COL23A1: variants seen among roughly 807,000 people sequenced by gnomAD.
The protein encoded by COL23A1 is collagen type XXIII alpha 1 chain, also known as collagen alpha-1(XXIII) chain.
A neutral mutation model predicts 99.3 loss-of-function variants in COL23A1; 97 were observed. The ratio of observed to expected loss-of-function variants is 0.98; its 90% CI spans 0.83 to 1.16. COL23A1 has a LOEUF of 1.16. Ranked by LOEUF, COL23A1 falls within the 50% of genes most tolerant of loss-of-function variation. The probability of loss-of-function intolerance (pLI) is 0.00; values close to 1 mark genes in which losing one functional copy is unlikely to be tolerated. For missense variants in COL23A1, 762 were observed against 757.4 expected (o/e 1.01, Z -0.07); for synonymous variants, 320 against 308.2 (o/e 1.04, Z -0.40).
At chr5:178,515,666 G>A (rs892687933) in intron 2 of COL23A1, among the ~76,000 whole-genome samples, 3 of 152,040 alleles carry the variant, frequency 2.0e-5, no homozygotes, top group African/African-American at 4.8e-5. Context: ...CCCGCTCCCC[G>A]CCTCTGCTGG....
chr5:178,534,445 G>T (rs1418195375), intron 2 of COL23A1, among the ~76,000 whole-genome samples: 1 of 152,144 alleles, frequency 6.6e-6, no homozygotes, highest in Non-Finnish European at 1.5e-5. Context: ...GTAAGGGAGG[G>T]GGCACTGGGC....
rs529095666 is a variant in COL23A1 at position 178,439,692 on chromosome 5, C to T, written c.361+120990G>A. 59 of 152,350 alleles carry T rather than the reference C, an allele frequency of 3.9e-4. No individual in the cohort carries two copies. The highest frequency in any genetic ancestry group is 1.3e-3 in the African/African-American group (52 of 41,576). The allele number at this position is 152,350 out of a possible 1,614,324, so 9.4% of individuals were successfully genotyped here. ...CGTTCACCATGCAGTGCAGCAACTCCGCTCCTAGGATCTCCCCGGGAGAAA... is the reference window on the plus strand; with the variant it reads ...CGTTCACCATGCAGTGCAGCAACTCTGCTCCTAGGATCTCCCCGGGAGAAA... On this transcript the variant is annotated intron_variant, in intron 2 of 28. Transcript: ENST00000390654. This position sits in a 1 kb window ranked among gnomAD's most constrained non-coding sequence, Gnocchi z 4.2.
At position 178,377,735 on chromosome 5, in the gene COL23A1, C is replaced by T. The variant is rs111906235; in HGVS notation, c.362-70816G>A. On this transcript the variant is annotated intron_variant, in intron 2 of 28. Coordinates refer to ENST00000390654, the MANE Select transcript of COL23A1 (RefSeq NM_173465.4). Reference sequence around the variant, plus strand: ...CGGTCACAGTCTGTCACCGGGAGGCCGAGAGAGCAGGTGCAGGGCAGGCCG... The same window carrying T: ...CGGTCACAGTCTGTCACCGGGAGGCTGAGAGAGCAGGTGCAGGGCAGGCCG... Among the ~76,000 whole-genome samples, 840 of 152,214 alleles carry T rather than the reference C, an allele frequency of 5.5e-3. 9 individuals carry two copies. The highest frequency in any genetic ancestry group is 0.01 in the Middle Eastern group (3 of 294).
chr5:178,388,017 C>A (rs1763765809), intron 2 of COL23A1, among the ~76,000 whole-genome samples: 1 of 152,188 alleles, frequency 6.6e-6, no homozygotes, highest in Admixed American at 6.5e-5. Context: ...ACCGACACTG[C>A]TCCTCAGGGC....
chr5:178,522,766 G>A (rs1760020765), intron 2 of COL23A1, among the ~76,000 whole-genome samples: 1 of 152,138 alleles, frequency 6.6e-6, no homozygotes, highest in Admixed American at 6.6e-5. Flanking sequence ...CCATACAAGA[G>A]CACTGCCCAG....
At chr5:178,494,237 G>C (rs543399213) in intron 2 of COL23A1, among the ~76,000 whole-genome samples, 65 of 152,282 alleles carry the variant, frequency 4.3e-4, no homozygotes, top group African/African-American at 1.4e-3. Flanking sequence ...CTCCGACAAG[G>C]ACATGTGAGA....
At position 178,414,538 on chromosome 5, in the gene COL23A1, G is replaced by A. The variant is rs146138604; in HGVS notation, c.362-107619C>T. ...TGTGATCCCAGCACTGTGGGAGGCC[G>A]AGGTGGGCAGATCAACTGAGGTCAG... On this transcript the variant is annotated intron_variant, in intron 2 of 28. Coordinates refer to ENST00000390654, the MANE Select transcript of COL23A1 (RefSeq NM_173465.4). Among the ~76,000 whole-genome samples, 579 of 152,258 alleles carry A rather than the reference G, an allele frequency of 3.8e-3. 5 individuals carry two copies. The highest frequency in any genetic ancestry group is 0.013 in the African/African-American group (556 of 41,554).
intron 2 of COL23A1, among the ~76,000 whole-genome samples, chr5:178,451,724 G>T (rs1240788665): frequency 4.0e-5 from 6 of 150,424 alleles, no homozygotes; most frequent in Middle Eastern, 3.4e-3. Flanking sequence ...AACAGCCAGT[G>T]ATTAGATCTA....
chr5:178,325,116 G>A (rs1334429742), intron 2 of COL23A1, among the ~76,000 whole-genome samples: 1 of 152,166 alleles, frequency 6.6e-6, no homozygotes, highest in South Asian at 2.1e-4. Flanking sequence ...AGAACCAGAC[G>A]CTGAACTTCT....
chr5:178,393,301 C>T (rs1454430358), intron 2 of COL23A1, among the ~76,000 whole-genome samples: 1 of 152,144 alleles, frequency 6.6e-6, no homozygotes, highest in Non-Finnish European at 1.5e-5. Context: ...CACGGAAGGA[C>T]AAATGCTGGA....
intron 2 of COL23A1, among the ~76,000 whole-genome samples, chr5:178,499,362 A>G (rs1028562911): frequency 6.6e-6 from 1 of 152,222 alleles, no homozygotes; most frequent in African/African-American, 2.4e-5. Flanking sequence ...GCCCCACCAG[A>G]TGACTCAAGC....
intron 2 of COL23A1, among the ~76,000 whole-genome samples, chr5:178,436,340 C>A (rs547127866): frequency 6.6e-6 from 1 of 152,036 alleles, no homozygotes; most frequent in Admixed American, 6.5e-5. Flanking sequence ...TCCCAGGCAG[C>A]CGGTGTCCAG....
intron 2 of COL23A1, among the ~76,000 whole-genome samples, chr5:178,417,882 T>G (rs764041250): frequency 6.6e-6 from 1 of 152,258 alleles, no homozygotes; most frequent in Non-Finnish European, 1.5e-5. Context: ...ATTGCATTTT[T>G]TCTGTCAAGT....
intron 2 of COL23A1, among the ~76,000 whole-genome samples, chr5:178,445,877 T>A (rs1767131127): frequency 6.6e-6 from 1 of 152,058 alleles, no homozygotes; most frequent in African/African-American, 2.4e-5. Context: ...CATTTTGCAA[T>A]ATATATTCAA....
At chr5:178,344,165 CA>C (rs1760830450) in intron 2 of COL23A1, among the ~76,000 whole-genome samples, 1 of 152,120 alleles carries the variant, frequency 6.6e-6, no homozygotes, top group South Asian at 2.1e-4. Context: ...CCAGCACCCC[CA>C]AAAGATACCA....
chr5:178,423,235 T>G (rs1459291121), intron 2 of COL23A1, among the ~76,000 whole-genome samples: 3 of 152,152 alleles, frequency 2.0e-5, no homozygotes, highest in Non-Finnish European at 4.4e-5. Context: ...TCCTCCAGTC[T>G]CAGCCTCCCA....
Position 178,308,653 on chromosome 5 carries a change from G to A in COL23A1, c.362-1734C>T, listed in dbSNP as rs553452418. 6.6e-5 allele frequency among the ~76,000 whole-genome samples: 10 copies of A among 152,260 alleles called. No individual in the cohort carries two copies. The East Asian group carries it at 1.7e-3, about 26-fold the overall frequency. On this transcript the variant is annotated intron_variant, in intron 2 of 28. Transcript: ENST00000390654. The surrounding 1 kb of genome is among the most constrained non-coding windows in gnomAD (Gnocchi z 5.1). Reference sequence around the variant, plus strand: ...CGGCCAATTACCTTCCTATCTCCACGTGCTTGTCCCACCAGCATCTCAGAC... The same window carrying A: ...CGGCCAATTACCTTCCTATCTCCACATGCTTGTCCCACCAGCATCTCAGAC...
chr5:178,556,290 A>T lies in COL23A1; in HGVS notation c.361+4392T>A, dbSNP rs147342160. Among the ~76,000 whole-genome samples the T allele has an allele frequency of 8.5e-3, 1,284 of 151,506 alleles. 9 individuals are homozygous for T. Among genetic ancestry groups the T allele is most frequent in the Non-Finnish European group, 0.015 (984 of 67,820 alleles). The stretch of plus-strand genomic sequence containing the variant: ...AATGCGGGATAACTGTTGCGTTATT[A>T]AAAAAAAAGAAGGAGGAGGAGGAGT... On this transcript the variant is annotated intron_variant, in intron 2 of 28. Coordinates refer to ENST00000390654, the MANE Select transcript of COL23A1 (RefSeq NM_173465.4).
At chr5:178,448,001 G>A (rs1391307918) in intron 2 of COL23A1, among the ~76,000 whole-genome samples, 1 of 152,156 alleles carries the variant, frequency 6.6e-6, no homozygotes. Context: ...GAGTGTTGGT[G>A]CTCCCCCAAA....
Sources: allele counts gnomAD v4.1 joint callset (sites outside exome capture counted in the v4.1 genomes callset), GRCh38; gene constraint gnomAD v4.1.1; non-coding constraint Gnocchi (gnomAD v3.1); transcripts MANE v1.5; gene names NCBI Gene and HGNC (gene_info 2026-07-23, HGNC 2026-07-21).